The following WFDC6 variants were observed in gnomAD, a reference collection of about 807,000 sequenced individuals.
The protein encoded by WFDC6 is WAP four-disulfide core domain protein 6.
Under a neutral mutation model 8.2 loss-of-function variants are expected in WFDC6, and 10 were observed. The observed-to-expected ratio is 1.22, with a 90% CI of 0.75 to 2.07. WFDC6 has a LOEUF of 2.07. Among genes scored for constraint, WFDC6 ranks in the 30% most tolerant of loss-of-function variants. The probability of loss-of-function intolerance (pLI) is 0.00; values close to 1 mark genes in which losing one functional copy is unlikely to be tolerated. For synonymous variants in WFDC6, 28 were observed against 37.0 expected, an observed-to-expected ratio of 0.76 and a Z score of 0.88; for missense variants, 105 against 104.9, an observed-to-expected ratio of 1.00 and a Z score of 0.00.
At chr20:45,537,745 GA>G (rs1173357836) in intron 2 of WFDC6, among the ~76,000 whole-genome samples, 4 of 152,052 alleles carry the variant, frequency 2.6e-5, no homozygotes, top group Non-Finnish European at 5.9e-5. Flanking sequence ...GCCCAGAAAG[GA>G]AAACTACATT....
chr20:45,538,128 T>G, intron 1 of WFDC6, 34 bp from the exon 2 acceptor site: 1 of 1,613,382 alleles, frequency 6.2e-7, no homozygotes, highest in South Asian at 1.1e-5. Context: ...CCTCAAGGCC[T>G]TAAAGGAGCC....
chr20:45,537,442 G>T lies in WFDC6; in HGVS notation c.222+522C>A, dbSNP rs879233854. Reference sequence around the variant, plus strand: ...TGTTGAATGAATAGAATGAACGAATGGTCCTTGATGATCTTCTTTAGAGCT... The same window carrying T: ...TGTTGAATGAATAGAATGAACGAATTGTCCTTGATGATCTTCTTTAGAGCT... On this transcript the variant is annotated intron_variant, in intron 2 of 2. Coordinates refer to ENST00000372670, the MANE Select transcript of WFDC6 (RefSeq NM_080827.2). 9 of 1,234,902 alleles carry T rather than the reference G, an allele frequency of 7.3e-6. No homozygotes were observed. In the Admixed American group the frequency reaches 1.2e-4, roughly 16 times the overall value. 76.5% of individuals were successfully genotyped at this position (1,234,902 alleles called of 1,614,324 possible).
intron 2 of WFDC6, chr20:45,535,256 G>T: frequency 7.7e-7 from 1 of 1,304,128 alleles, no homozygotes; most frequent in Middle Eastern, 2.1e-4. Flanking sequence ...GCAGATCTTA[G>T]TTTTTTTTAT....
intron 1 of WFDC6, among the ~76,000 whole-genome samples, chr20:45,539,000 G>A (rs769120918): frequency 1.4e-4 from 22 of 152,124 alleles, no homozygotes; most frequent in Non-Finnish European, 2.8e-4. Flanking sequence ...GTGTTGTGGG[G>A]AGCAGCCTGT....
Position 45,538,031 on chromosome 20 carries a change from C to G in WFDC6, c.155G>C (p.Arg52Thr). Reference sequence around the variant, plus strand: ...ACACTTCATGTTTTCTGGGCAATCTCTGGGTTTGGTACACTGGTCTATTTC... The same window carrying G: ...ACACTTCATGTTTTCTGGGCAATCTGTGGGTTTGGTACACTGGTCTATTTC... ...VEEIDQCTKP[R>T]DCPENMKCCP... is the part of the protein sequence containing the mutation. The change falls in exon 2 of 3, where the codon AGA becomes ACA. Residue 52 changes from arginine to threonine, a missense_variant. Coordinates refer to ENST00000372670, the MANE Select transcript of WFDC6 (RefSeq NM_080827.2). The G allele has an allele frequency of 6.2e-7, 1 of 1,614,016 alleles. No homozygotes were observed. The highest frequency in any genetic ancestry group is 1.3e-5 in the African/African-American group (1 of 75,022).
rs372438939 is a variant in WFDC6 at position 45,538,113 on chromosome 20, T to C, written c.92-19A>G. Reference sequence around the variant, plus strand: ...CACGGCTCTAAGGGAGGGGAAGATATATTCCCTCAAGGCCTTAAAGGAGCC... The same window carrying C: ...CACGGCTCTAAGGGAGGGGAAGATACATTCCCTCAAGGCCTTAAAGGAGCC... On this transcript the variant is annotated intron_variant, in intron 1 of 2. Coordinates refer to ENST00000372670, the MANE Select transcript of WFDC6 (RefSeq NM_080827.2). The C allele has an allele frequency of 7.4e-6, 12 of 1,613,568 alleles. No homozygotes were observed. In the African/African-American group the frequency reaches 1.5e-4, roughly 20 times the overall value.
intron 2 of WFDC6, chr20:45,537,668 A>C (rs1979419083): frequency 8.3e-7 from 1 of 1,206,672 alleles, no homozygotes. Flanking sequence ...CTCGAGAATC[A>C]CTGAAGAGTA....
At chr20:45,534,620 A>G in intron 2 of WFDC6, 115 bp from the exon 3 acceptor site, 5 of 1,304,890 alleles carry the variant, frequency 3.8e-6, no homozygotes, top group Non-Finnish European at 5.4e-6. Context: ...TTGGGCAGGA[A>G]TGGAATGAAG....
At chr20:45,538,873 T>A (rs1024759360) in intron 1 of WFDC6, among the ~76,000 whole-genome samples, 11 of 152,154 alleles carry the variant, frequency 7.2e-5, no homozygotes, top group Non-Finnish European at 1.3e-4. Flanking sequence ...TTGTGAGTCT[T>A]CACATTTCAG....
chr20:45,538,866 TGA>T (rs1171414931), intron 1 of WFDC6, among the ~76,000 whole-genome samples: 5 of 152,286 alleles, frequency 3.3e-5, no homozygotes, highest in African/African-American at 1.2e-4. Context: ...CTGCTAATTG[TGA>T]GTCTTCACAT....
rs576209987 is a variant in WFDC6, at chr20:45,537,616, A to G, written c.222+348T>C. On this transcript the variant is annotated intron_variant, in intron 2 of 2. Coordinates refer to ENST00000372670, the MANE Select transcript of WFDC6 (RefSeq NM_080827.2). Reference sequence around the variant, plus strand: ...TCTTATAGCTATCATATAACCTGACACAATGTTGGCATTTGATGAGACTTT... The same window carrying G: ...TCTTATAGCTATCATATAACCTGACGCAATGTTGGCATTTGATGAGACTTT... 2.2e-4 allele frequency: 322 copies of G among 1,487,288 alleles called. No homozygotes were observed. The African/African-American group carries it at 3.9e-3, about 18-fold the overall frequency. The allele number at this position is 1,487,288 out of a possible 1,614,324, so 92.1% of individuals were successfully genotyped here. A position where few individuals can be genotyped will look rare whatever the true frequency, so the allele number is the denominator to read the frequency against.
At chr20:45,534,546 G>T in intron 2 of WFDC6, 41 bp from the exon 3 acceptor site, 1 of 1,609,162 alleles carries the variant, frequency 6.2e-7, no homozygotes, top group South Asian at 1.1e-5. Context: ...CTTGGACCCT[G>T]ACCACATTAG....
chr20:45,537,490 A>C (rs990666894), intron 2 of WFDC6: 4 of 1,532,496 alleles, frequency 2.6e-6, no homozygotes, highest in Non-Finnish European at 3.5e-6. Flanking sequence ...CAGAGAAGAA[A>C]GAGTGTAGGC....
chr20:45,539,452 G>C lies in WFDC6; in HGVS notation c.-45C>G. The C allele has an allele frequency of 6.4e-7, 1 of 1,568,724 alleles. No homozygotes were observed. The highest frequency in any genetic ancestry group is 8.8e-7 in the Non-Finnish European group (1 of 1,139,292). On this transcript the variant is annotated 5_prime_UTR_variant, in exon 1 of 3. Coordinates refer to ENST00000372670, the MANE Select transcript of WFDC6 (RefSeq NM_080827.2). Reference sequence around the variant, plus strand: ...GTTGATGGCACCAAAACTAAGAACTGCTCCTCAGCAGCTCCTACATCTGCA... The same window carrying C: ...GTTGATGGCACCAAAACTAAGAACTCCTCCTCAGCAGCTCCTACATCTGCA...
chr20:45,534,544 C>G (rs1979292840), intron 2 of WFDC6, 39 bp from the exon 3 acceptor site: 1 of 1,611,126 alleles, frequency 6.2e-7, no homozygotes, highest in Admixed American at 1.7e-5. Context: ...TGCTTGGACC[C>G]TGACCACATT....
intron 2 of WFDC6, 106 bp from the exon 3 acceptor site, chr20:45,534,611 T>G: frequency 2.2e-6 from 3 of 1,348,296 alleles, no homozygotes; most frequent in Non-Finnish European, 3.1e-6. Flanking sequence ...TTTACATCTT[T>G]GGGCAGGAAT....
chr20:45,537,475 A>G, intron 2 of WFDC6: 2 of 1,463,542 alleles, frequency 1.4e-6, no homozygotes, highest in East Asian at 2.5e-5. Flanking sequence ...GCTCAATAAT[A>G]TGGGCAGAGA....
At chr20:45,536,822 C>G (rs1280414405) in intron 2 of WFDC6, 7 of 154,080 alleles carry the variant, frequency 4.5e-5, no homozygotes, top group Admixed American at 3.9e-4. Flanking sequence ...AAGATACCAG[C>G]CTTCCTCATC....
At chr20:45,537,278 T>C (rs1213399691) in intron 2 of WFDC6, 2 of 537,760 alleles carry the variant, frequency 3.7e-6, no homozygotes, top group Non-Finnish European at 6.7e-6. Context: ...GAAAGGCTAT[T>C]TCTTCCCATT....
Sources: gnomAD v4.1 joint callset for allele counts (sites outside exome capture counted in the v4.1 genomes callset) on GRCh38, gnomAD v4.1.1 for gene constraint, MANE v1.5 for transcripts, NCBI Gene and HGNC (gene_info 2026-07-23, HGNC 2026-07-21) for gene names.